The following CYP51A1 variants were observed in gnomAD, a reference collection of about 807,000 sequenced individuals.
CYP51A1 encodes the protein lanosterol 14-alpha demethylase.
In CYP51A1, 45 loss-of-function variants were observed where a neutral mutation model predicts 53.5. The ratio of observed to expected loss-of-function variants is 0.84; its 90% confidence interval spans 0.66 to 1.08. The LOEUF (loss-of-function observed/expected upper bound fraction) is 1.08, where lower values mean the gene tolerates loss of function less well. Among genes scored for constraint, CYP51A1 ranks in the 50% least tolerant of loss-of-function variants. The pLI, the probability that CYP51A1 is intolerant of heterozygous loss-of-function variation, is 0.00. For missense variants in CYP51A1, 462 were observed against 621.7 expected, an observed-to-expected ratio of 0.74 and a Z score of 2.73; for synonymous variants, 181 against 217.7, an observed-to-expected ratio of 0.83 and a Z score of 1.48.
chr7:92,117,342 T>A, intron 8 of CYP51A1, 130 bp from the exon 9 acceptor site: 1 of 658,640 alleles, frequency 1.5e-6, no homozygotes, highest in Non-Finnish European at 2.4e-6. Flanking sequence ...TAGGTTTACA[T>A]CCTGATAAAT....
At chr7:92,120,770 C>A in intron 7 of CYP51A1, among the ~76,000 whole-genome samples, 1 of 151,914 alleles carries the variant, frequency 6.6e-6, no homozygotes, top group East Asian at 1.9e-4. Flanking sequence ...AAGAAGAATA[C>A]ACAGAAATAA....
intron 7 of CYP51A1, among the ~76,000 whole-genome samples, chr7:92,119,991 A>G (rs1819656981): frequency 6.6e-6 from 1 of 152,218 alleles, no homozygotes; most frequent in Non-Finnish European, 1.5e-5. Context: ...GGGGATCAAC[A>G]GCAGATTTGG....
At chr7:92,119,631 C>A (rs1181323710) in intron 7 of CYP51A1, among the ~76,000 whole-genome samples, 1 of 152,072 alleles carries the variant, frequency 6.6e-6, no homozygotes, top group Non-Finnish European at 1.5e-5. Flanking sequence ...AAAGAGCCAG[C>A]AACAATAAAC....
chr7:92,115,603 T>C (rs1819566844), intron 9 of CYP51A1, among the ~76,000 whole-genome samples: 1 of 152,142 alleles, frequency 6.6e-6, no homozygotes, highest in African/African-American at 2.4e-5. Context: ...TGATAGAATA[T>C]ATTTCTATTG....
intron 2 of CYP51A1, among the ~76,000 whole-genome samples, chr7:92,131,370 T>C (rs1819912845): frequency 6.6e-6 from 1 of 152,210 alleles, no homozygotes; most frequent in Non-Finnish European, 1.5e-5. Context: ...TATGGTGTCA[T>C]GTGGGTCATT....
At chr7:92,134,080 G>A (rs2130960840) in intron 1 of CYP51A1, 93 bp downstream of exon 1, 2 of 1,276,126 alleles carry the variant, frequency 1.6e-6, no homozygotes, top group East Asian at 2.6e-5. Context: ...GCCATCCACT[G>A]AGCCGGTCGG....
At position 92,134,419 on chromosome 7, in the gene CYP51A1, G is replaced by C. The variant is rs979384475; in HGVS notation, c.-55C>G. On this transcript the variant is annotated 5_prime_UTR_variant, in exon 1 of 10. Coordinates refer to ENST00000003100, the MANE Select transcript of CYP51A1 (RefSeq NM_000786.4). The stretch of plus-strand genomic sequence containing the variant: ...GTCGCCACCGCTCCTCCCAATCGAC[G>C]GAACGAGAGAAGCTGGCAGATGGTC... The C allele has an allele frequency of 1.4e-6, 2 of 1,480,622 alleles. No homozygotes were observed. Among genetic ancestry groups the C allele is most frequent in the East Asian group, 2.5e-5 (1 of 40,064 alleles). 91.7% of individuals were successfully genotyped at this position (1,480,622 alleles called of 1,614,324 possible). A position where few individuals can be genotyped will look rare whatever the true frequency, so the allele number is the denominator to read the frequency against.
chr7:92,117,335 G>T, intron 8 of CYP51A1, 123 bp from the exon 9 acceptor site: 1 of 721,674 alleles, frequency 1.4e-6, no homozygotes, highest in South Asian at 2.6e-5. Context: ...CTTATGATAG[G>T]TTTACATCCT....
intron 2 of CYP51A1, among the ~76,000 whole-genome samples, chr7:92,129,512 T>C (rs77299690): frequency 6.6e-6 from 1 of 152,366 alleles, no homozygotes; most frequent in African/African-American, 2.4e-5. Flanking sequence ...GTACCTGCTA[T>C]GTGAAGACAC....
At chr7:92,129,300 T>C (rs1434641426) in intron 2 of CYP51A1, among the ~76,000 whole-genome samples, 5 of 152,196 alleles carry the variant, frequency 3.3e-5, no homozygotes, top group Non-Finnish European at 7.3e-5. Flanking sequence ...ATATTGACAA[T>C]GTTTTCTATT....
intron 2 of CYP51A1, among the ~76,000 whole-genome samples, chr7:92,129,390 T>C (rs1415126417): frequency 6.6e-6 from 1 of 152,190 alleles, no homozygotes; most frequent in African/African-American, 2.4e-5. Flanking sequence ...AGGGTTTTCT[T>C]TAGTTATTAC....
intron 5 of CYP51A1, among the ~76,000 whole-genome samples, 198 bp from the exon 6 acceptor site, chr7:92,124,051 T>A (rs1563179688): frequency 6.6e-6 from 1 of 152,152 alleles, no homozygotes; most frequent in African/African-American, 2.4e-5. Flanking sequence ...ATGTCCATAG[T>A]CCCTAAGGGC....
intron 5 of CYP51A1, among the ~76,000 whole-genome samples, chr7:92,125,528 CCT>C (rs1819781479): frequency 6.6e-6 from 1 of 152,122 alleles, no homozygotes; most frequent in African/African-American, 2.4e-5. Context: ...AGAGGCAGTC[CCT>C]GTCCTTAAGA....
At position 92,131,890 on chromosome 7, in the gene CYP51A1, A is replaced by AGT; in HGVS notation, c.193-20_193-19dup. On this transcript the variant is annotated intron_variant, in intron 1 of 9. Transcript: ENST00000003100. ...GGACTTTTCTACAAGAGAAAAAAATAGTAAATTCAATTCGTGTTTCATTTC... is the reference window on the plus strand; with the variant it reads ...GGACTTTTCTACAAGAGAAAAAAATAGTGTAAATTCAATTCGTGTTTCATTTC... The AGT allele has an allele frequency of 7.1e-7, 1 of 1,399,612 alleles. No individual in the cohort carries two copies. The highest frequency in any genetic ancestry group is 1.0e-6 in the Non-Finnish European group (1 of 986,864). 86.7% of individuals were successfully genotyped at this position (1,399,612 alleles called of 1,614,324 possible). A position where few individuals can be genotyped will look rare whatever the true frequency, so the allele number is the denominator to read the frequency against.
intron 7 of CYP51A1, 48 bp downstream of exon 7, chr7:92,123,072 G>T: frequency 7.0e-7 from 1 of 1,428,762 alleles, no homozygotes. Context: ...ATTAGCCACA[G>T]ATCCTCAAAG....
chr7:92,134,333 C>T lies in CYP51A1; in HGVS notation c.32G>A (p.Gly11Asp). Residue 11 changes from glycine (G) to aspartate (D), a missense_variant, in exon 1 of 10, where the codon GGC becomes GAC. Physicochemically the swap from Gly to Asp is moderately conservative, Grantham distance 94. Coordinates refer to ENST00000003100, the MANE Select transcript of CYP51A1 (RefSeq NM_000786.4). The stretch of plus-strand genomic sequence containing the variant: ...CACCGACCCACCCGCCTGCAGCAAG[C>T]CCAGCAGCAGCATCCCAGCCGCCGC... MAAAAGMLLL[G>D]LLQAGGSVLG... 1.3e-6 allele frequency: 2 copies of T among 1,594,476 alleles called. No individual in the cohort carries two copies. The highest frequency in any genetic ancestry group is 1.7e-6 in the Non-Finnish European group (2 of 1,167,670).
chr7:92,134,615 G>A, upstream of CYP51A1: 1 of 476,744 alleles, frequency 2.1e-6, no homozygotes, highest in Non-Finnish European at 3.7e-6. Flanking sequence ...GGCACCTGAG[G>A]AAGCGGGCTG....
At chr7:92,132,515 G>A (rs1819944368) in intron 1 of CYP51A1, among the ~76,000 whole-genome samples, 2 of 151,838 alleles carry the variant, frequency 1.3e-5, no homozygotes, top group Admixed American at 6.6e-5. Flanking sequence ...TCTACACTTG[G>A]CTGAATTCCC....
rs375034795 is a variant in CYP51A1, at chr7:92,134,406, C to G, written c.-42G>C. On this transcript the variant is annotated 5_prime_UTR_variant, in exon 1 of 10. Transcript: ENST00000003100. The stretch of plus-strand genomic sequence containing the variant: ...ACTGAAGGCCGAGGTCGCCACCGCT[C>G]CTCCCAATCGACGGAACGAGAGAAG... 1 of 1,507,494 alleles carries G rather than the reference C, an allele frequency of 6.6e-7. No homozygotes were observed. Among genetic ancestry groups the G allele is most frequent in the South Asian group, 1.3e-5 (1 of 78,364 alleles). The allele number at this position is 1,507,494 out of a possible 1,614,324, so 93.4% of individuals were successfully genotyped here. A position where few individuals can be genotyped will look rare whatever the true frequency, so the allele number is the denominator to read the frequency against.
Sources: allele counts gnomAD v4.1 joint callset (sites outside exome capture counted in the v4.1 genomes callset), GRCh38; gene constraint gnomAD v4.1.1; transcripts MANE v1.5; gene names NCBI Gene and HGNC (gene_info 2026-07-23, HGNC 2026-07-21).